CUX1: variants seen among roughly 807,000 people sequenced by gnomAD.
CUX1 encodes cut like homeobox 1, also known as protein CASP.
CUX1 carries 31 observed loss-of-function variants against 158.8 expected under a neutral mutation model. That is an observed-to-expected ratio of 0.20 (90% CI 0.15 to 0.26). The LOEUF is 0.26. CUX1 is among the 10% of genes least tolerant of loss of function. The probability of loss-of-function intolerance (pLI) is 1.00; values close to 1 mark genes in which losing one functional copy is unlikely to be tolerated. For synonymous variants in CUX1, 879 were observed against 862.1 expected (o/e 1.02, Z -0.34); for missense variants, 1,589 against 2,014.6 (o/e 0.79, Z 4.04).
In CUX1 at chr7:102,248,624, C is replaced by G. The variant is rs1554537949; in HGVS notation, c.4100C>G (p.Pro1367Arg). 1.1e-5 allele frequency: 15 copies of G among 1,426,752 alleles called. No homozygotes were observed. In the South Asian group the frequency reaches 1.6e-4, roughly 15 times the overall value. The allele number at this position is 1,426,752 out of a possible 1,614,324, so 88.4% of individuals were successfully genotyped here. A position where few individuals can be genotyped will look rare whatever the true frequency, so the allele number is the denominator to read the frequency against. Residue 1367 changes from proline to arginine, a missense_variant, in exon 24 of 24, where the codon CCG becomes CGG. This residue lies in a region of CUX1 where 344 missense variants were observed against 323.7 expected (regional missense o/e 1.06). Transcript: ENST00000292535. This position sits in a 1 kb window ranked among gnomAD's most constrained non-coding sequence, Gnocchi z 5.8. The part of the protein sequence containing the change: ...SQGEAEREEV[P>R]RPAEQTEPPP... Reference sequence around the variant, plus strand: ...GGAGAGGCCGAGCGGGAGGAGGTGCCGCGGCCGGCGGAGCAGACGGAGCCG... The same window carrying G: ...GGAGAGGCCGAGCGGGAGGAGGTGCGGCGGCCGGCGGAGCAGACGGAGCCG...
intron 8 of CUX1, among the ~76,000 whole-genome samples, chr7:102,132,700 G>A (rs1482966524): frequency 4.2e-5 from 1 of 23,914 alleles, no homozygotes. Context: ...TTTTTTTTTT[G>A]AGACAGGGTC....
At chr7:102,192,874 C>CA (rs1244167649) in intron 12 of CUX1, among the ~76,000 whole-genome samples, 9 of 151,954 alleles carry the variant, frequency 5.9e-5, no homozygotes, top group African/African-American at 1.9e-4. Context: ...GTAAACTCAG[C>CA]AAAAAAGGGA....
chr7:102,075,196 A>G (rs1826575731), intron 4 of CUX1, among the ~76,000 whole-genome samples: 1 of 151,952 alleles, frequency 6.6e-6, no homozygotes, highest in Non-Finnish European at 1.5e-5. Flanking sequence ...TGGCCATCCA[A>G]CCTCTAGGAT....
intron 3 of CUX1, among the ~76,000 whole-genome samples, chr7:102,030,608 C>T (rs760152896): frequency 6.6e-5 from 10 of 151,856 alleles, no homozygotes; most frequent in South Asian, 2.1e-4. Flanking sequence ...TCTTTTATAA[C>T]GGCCCTCCTC....
intron 2 of CUX1, among the ~76,000 whole-genome samples, chr7:101,927,828 T>C (rs1409593150): frequency 6.6e-6 from 1 of 152,282 alleles, no homozygotes; most frequent in African/African-American, 2.4e-5. Context: ...CCAGTTGCTC[T>C]GTTCCTTGTC....
chr7:101,908,509 G>A (rs1803025386), intron 1 of CUX1, among the ~76,000 whole-genome samples: 1 of 151,640 alleles, frequency 6.6e-6, no homozygotes, highest in African/African-American at 2.4e-5. Context: ...GAGTTTCACT[G>A]TGTTGGCCAG....
chr7:102,089,656 T>C (rs918552215), intron 4 of CUX1, among the ~76,000 whole-genome samples: 2 of 152,256 alleles, frequency 1.3e-5, no homozygotes, highest in African/African-American at 4.8e-5. Context: ...GCTCAGACTT[T>C]CCTTTCTATT....
intron 20 of CUX1, among the ~76,000 whole-genome samples, chr7:102,208,345 G>A (rs1796159483): frequency 6.6e-6 from 1 of 152,176 alleles, no homozygotes; most frequent in Admixed American, 6.5e-5. Context: ...CTGGGTTCAG[G>A]CGATTCTCCT....
chr7:102,200,657 C>T (rs1322047510), intron 17 of CUX1, among the ~76,000 whole-genome samples: 1 of 150,722 alleles, frequency 6.6e-6, no homozygotes, highest in African/African-American at 2.4e-5. Context: ...TGTAATTATT[C>T]ACAGAAATTA....
chr7:102,180,697 G>C (rs1586080585), intron 11 of CUX1, among the ~76,000 whole-genome samples: 1 of 148,808 alleles, frequency 6.7e-6, no homozygotes, highest in African/African-American at 2.5e-5. Flanking sequence ...CCAAGACTAA[G>C]TTTCCAGCAA....
chr7:102,276,715 G>A (rs1334799907), intron 17 of CUX1, among the ~76,000 whole-genome samples: 6 of 152,174 alleles, frequency 3.9e-5, no homozygotes, highest in Non-Finnish European at 5.9e-5. Context: ...AAACCACAGC[G>A]TGTGATTCCA....
At chr7:102,010,396 CAAAAA>C (rs35965710) in intron 2 of CUX1, among the ~76,000 whole-genome samples, 1 of 90,258 alleles carries the variant, frequency 1.1e-5, no homozygotes. Context: ...GACTCTGTCT[CAAAAA>C]AAAAAAAAAA....
chr7:101,857,993 C>T (rs1481178036), intron 1 of CUX1, among the ~76,000 whole-genome samples: 2 of 152,028 alleles, frequency 1.3e-5, no homozygotes, highest in Non-Finnish European at 2.9e-5. Context: ...TGTGGTGGCA[C>T]GCACCTGTAC....
intron 1 of CUX1, among the ~76,000 whole-genome samples, chr7:101,886,964 C>T (rs565257517): frequency 6.6e-6 from 1 of 152,330 alleles, no homozygotes; most frequent in South Asian, 2.1e-4. Flanking sequence ...GGCCCCCACC[C>T]TGCTGAGCCC....
intron 2 of CUX1, among the ~76,000 whole-genome samples, chr7:101,993,695 C>T (rs1815444688): frequency 6.6e-6 from 1 of 152,240 alleles, no homozygotes; most frequent in Admixed American, 6.5e-5. Flanking sequence ...CCTCTCTGAG[C>T]AAGTTGGACA....
intron 6 of CUX1, 99 bp from the exon 7 acceptor site, chr7:102,111,599 G>C (rs1554490065): frequency 1.8e-6 from 2 of 1,132,270 alleles, no homozygotes; most frequent in East Asian, 2.4e-5. Context: ...CCTGCCGCCA[G>C]CTGAGCGCAG....
At chr7:102,081,497 C>G (rs965375921) in intron 4 of CUX1, among the ~76,000 whole-genome samples, 2 of 147,198 alleles carry the variant, frequency 1.4e-5, no homozygotes, top group Admixed American at 1.4e-4. Flanking sequence ...TCGCTCATCT[C>G]TCTCCTGCCA....
intron 12 of CUX1, among the ~76,000 whole-genome samples, chr7:102,191,266 T>C (rs1347122683): frequency 6.6e-6 from 1 of 152,182 alleles, no homozygotes; most frequent in Non-Finnish European, 1.5e-5. Flanking sequence ...AGAGTTTAGC[T>C]CTTGTTGCCC....
At chr7:101,926,881 C>CTTT (rs1469973000) in intron 2 of CUX1, among the ~76,000 whole-genome samples, 1 of 146,174 alleles carries the variant, frequency 6.8e-6, no homozygotes, top group South Asian at 2.1e-4. Flanking sequence ...TCCTTGCTTT[C>CTTT]TTTTACAAGT....
Sources: allele counts gnomAD v4.1 joint callset (sites outside exome capture counted in the v4.1 genomes callset), GRCh38; gene constraint gnomAD v4.1.1; regional missense constraint gnomAD v4.1.1; non-coding constraint Gnocchi (gnomAD v3.1); transcripts MANE v1.5; gene names NCBI Gene and HGNC (gene_info 2026-07-23, HGNC 2026-07-21).